Variants in IGHMBP2 observed in about 807,000 individuals in gnomAD.
IGHMBP2 encodes immunoglobulin mu DNA binding protein 2, also known as DNA-binding protein SMUBP-2.
IGHMBP2 carries 81 observed loss-of-function variants against 96.0 expected under a neutral mutation model. The observed-to-expected ratio is 0.84, with a 90% CI of 0.71 to 1.01. IGHMBP2 has a LOEUF of 1.01. Among genes scored for constraint, IGHMBP2 ranks in the 50% least tolerant of loss-of-function variants. The pLI is 0.00. For synonymous variants in IGHMBP2, 557 were observed against 548.9 expected (o/e 1.01, Z -0.21); for missense variants, 1,227 against 1,306.3 (o/e 0.94, Z 0.94).
chr11:68,928,505 T>C (rs895605331), intron 7 of IGHMBP2, among the ~76,000 whole-genome samples: 4 of 152,242 alleles, frequency 2.6e-5, no homozygotes. Context: ...CTAACATTGA[T>C]CACATTTATG....
chr11:68,904,546 C>T (rs1001079290), intron 1 of IGHMBP2, among the ~76,000 whole-genome samples: 5 of 152,010 alleles, frequency 3.3e-5, no homozygotes, highest in Non-Finnish European at 5.9e-5. Flanking sequence ...AGGCCCTTCC[C>T]TGGGGAGGGT....
At chr11:68,909,650 C>T (rs1487051937) in intron 4 of IGHMBP2, among the ~76,000 whole-genome samples, 9 of 141,396 alleles carry the variant, frequency 6.4e-5, no homozygotes, top group South Asian at 2.2e-4. Context: ...TTTTTTGAGA[C>T]GGAGACTTGC....
At chr11:68,915,691 C>T (rs1187297033) in intron 6 of IGHMBP2, among the ~76,000 whole-genome samples, 1 of 148,774 alleles carries the variant, frequency 6.7e-6, no homozygotes, top group African/African-American at 2.5e-5. Context: ...GCCATGTGGG[C>T]CAGGCTGGTC....
Position 68,936,834 on chromosome 11 carries a change from G to C in IGHMBP2, c.2354G>C (p.Arg785Thr), listed in dbSNP as rs766615389. 1.5e-5 allele frequency: 25 copies of C among 1,613,548 alleles called. No individual in the cohort carries two copies. The highest frequency in any genetic ancestry group is 2.1e-5 in the Non-Finnish European group (25 of 1,180,034). Residue 785 changes from arginine to threonine, a missense_variant, in exon 13 of 15, where the codon AGG (arginine) becomes ACG (threonine). This residue lies in a region of IGHMBP2 where 703 missense variants were observed against 770.3 expected (regional missense o/e 0.91). Transcript: ENST00000255078. Reference protein sequence around the residue: ...GKRRFITVSKRAPRPRAALGP... With the variant: ...GKRRFITVSKTAPRPRAALGP... ...AGGAGGTTCATCACTGTGAGCAAGA[G>C]GGCCCCGCGACCCCGAGCAGCCCTG...
At chr11:68,913,043 CAAAAAAAAAAAAA>C (rs71043469) in intron 5 of IGHMBP2, among the ~76,000 whole-genome samples, 4 of 37,468 alleles carry the variant, frequency 1.1e-4, no homozygotes, top group African/African-American at 4.8e-4. Context: ...ACTCCATCTC[CAAAAAAAAAAAAA>C]AAAAAAAAAA....
rs7106170 is a variant in IGHMBP2, at chr11:68,928,626, G to A, written c.1061-557G>A. Among the ~76,000 whole-genome samples, 621 of 152,304 alleles carry A rather than the reference G, an allele frequency of 4.1e-3. 3 individuals are homozygous for A. The highest frequency in any genetic ancestry group is 0.014 in the African/African-American group (594 of 41,558). ...TTGTGGGTGAGGAAACAGGCTTAGG[G>A]GTGGGAGGCTCGCCTGAGGCCCCAC... is the stretch of plus-strand genomic sequence containing the variant. On this transcript the variant is annotated intron_variant, in intron 7 of 14. Transcript: ENST00000255078.
At chr11:68,916,975 C>CTTTT (rs11418103) in intron 6 of IGHMBP2, among the ~76,000 whole-genome samples, 9,600 of 102,940 alleles carry the variant, frequency 0.093, 1,141 homozygotes, top group African/African-American at 0.12. Context: ...AAGGTTACAT[C>CTTTT]TTTTTTTTTT....
rs1257825847 is a variant in IGHMBP2 at position 68,936,924 on chromosome 11, C to G, written c.2444C>G (p.Thr815Arg). 6.2e-7 allele frequency: 1 copy of G among 1,604,194 alleles called. No individual in the cohort carries two copies. Among genetic ancestry groups the G allele is most frequent in the Non-Finnish European group, 8.5e-7 (1 of 1,175,860 alleles). ...CCAGTGCCCCCTACCCCTGCGCAGA[C>G]AGAGCAGCCTCCCAGGGAGCAGCGT... ...LQPVPPTPAQTEQPPREQRGP... is the reference protein window; with the variant it reads ...LQPVPPTPAQREQPPREQRGP... The change falls in exon 13 of 15, where the codon ACA becomes AGA. Residue 815 changes from threonine (T) to arginine (R), a missense_variant. This residue lies in a region of IGHMBP2 where 703 missense variants were observed against 770.3 expected (regional missense o/e 0.91). Coordinates refer to ENST00000255078, the MANE Select transcript of IGHMBP2 (RefSeq NM_002180.3).
At chr11:68,906,659 TGAGACAGAGTTTCGCTC>T (rs1858210071) in intron 2 of IGHMBP2, among the ~76,000 whole-genome samples, 1 of 149,988 alleles carries the variant, frequency 6.7e-6, no homozygotes, top group Non-Finnish European at 1.5e-5. Flanking sequence ...TTTTTTTTTT[TGAGACAGAGTTTCGCTC>T]TTATTGCCCA....
Position 68,935,285 on chromosome 11 carries a change from G to A in IGHMBP2, c.1633-14G>A, listed in dbSNP as rs368126775. ...TGGGTGGGTGAGGAAACCACAGCCC[G>A]GCTGGTGTTTCAGGTGGACCTGCTC... On this transcript the variant is annotated splice_polypyrimidine_tract_variant and intron_variant, in intron 11 of 14. Transcript: ENST00000255078. 2.2e-5 allele frequency: 36 copies of A among 1,613,580 alleles called. No individual in the cohort carries two copies. The highest frequency in any genetic ancestry group is 1.9e-4 in the African/African-American group (14 of 74,942).
intron 7 of IGHMBP2, among the ~76,000 whole-genome samples, chr11:68,922,566 T>A (rs1858919544): frequency 6.6e-6 from 1 of 152,132 alleles, no homozygotes; most frequent in South Asian, 2.1e-4. Context: ...TGGCTAATTT[T>A]TGTATTTTTA....
chr11:68,921,739 G>T (rs1416187596), intron 7 of IGHMBP2, among the ~76,000 whole-genome samples: 2 of 152,110 alleles, frequency 1.3e-5, no homozygotes, highest in Non-Finnish European at 2.9e-5. Context: ...GGTTTAGGTC[G>T]TGTATTTCCA....
intron 7 of IGHMBP2, among the ~76,000 whole-genome samples, chr11:68,924,490 G>A (rs1858992733): frequency 6.6e-6 from 1 of 152,252 alleles, no homozygotes. Flanking sequence ...CGAGGTGTCA[G>A]TGGGGGCTGC....
At chr11:68,909,195 G>GGT (rs1858333481) in intron 4 of IGHMBP2, among the ~76,000 whole-genome samples, 5 of 113,626 alleles carry the variant, frequency 4.4e-5, no homozygotes, top group African/African-American at 1.6e-4. Context: ...TGGAGGGGGG[G>GGT]GGCGGATGGA....
chr11:68,923,915 G>A (rs1442985775), intron 7 of IGHMBP2, among the ~76,000 whole-genome samples: 3 of 152,060 alleles, frequency 2.0e-5, no homozygotes, highest in Admixed American at 6.6e-5. Context: ...TGCATTGGTC[G>A]CCACAGATTC....
At chr11:68,910,611 C>T (rs1198294401) in intron 4 of IGHMBP2, among the ~76,000 whole-genome samples, 2 of 152,194 alleles carry the variant, frequency 1.3e-5, no homozygotes, top group African/African-American at 4.8e-5. Flanking sequence ...TGGCCAGGCG[C>T]GGTGGCTCAC....
chr11:68,904,112 G>A, intron 1 of IGHMBP2, 74 bp downstream of exon 1: 4 of 1,241,496 alleles, frequency 3.2e-6, no homozygotes, highest in Non-Finnish European at 4.6e-6. Context: ...CGAGGGGCTC[G>A]GCCTCATAGT....
intron 13 of IGHMBP2, chr11:68,937,662 C>T (rs934134313): frequency 1.7e-5 from 4 of 230,028 alleles, no homozygotes; most frequent in East Asian, 1.1e-4. Flanking sequence ...GCCAGGCATA[C>T]GCTGGCAGAG....
In IGHMBP2 at chr11:68,929,374, TCA is replaced by T. The variant is rs1224121012; in HGVS notation, c.1235+20_1235+21del. ...CTCTCACAAGTAAGACCCCTTTGCC[TCA>T]CATGCCCTTCTCTGCCCCCGCCCTC... is the stretch of plus-strand genomic sequence containing the variant. On this transcript the variant is annotated intron_variant, in intron 8 of 14. Transcript: ENST00000255078. 6.2e-7 allele frequency: 1 copy of T among 1,609,744 alleles called. No homozygotes were observed. The highest frequency in any genetic ancestry group is 8.5e-7 in the Non-Finnish European group (1 of 1,177,876).
Sources: gnomAD v4.1 joint callset for allele counts (sites outside exome capture counted in the v4.1 genomes callset) on GRCh38, gnomAD v4.1.1 for gene constraint, gnomAD v4.1.1 regional missense constraint, MANE v1.5 for transcripts, NCBI Gene and HGNC (gene_info 2026-07-23, HGNC 2026-07-21) for gene names.